Variants in PALLD observed in about 807,000 individuals in gnomAD.
PALLD encodes the protein palladin, cytoskeletal associated protein.
In PALLD, 61 loss-of-function variants were observed where a neutral mutation model predicts 123.5. The observed-to-expected ratio is 0.49, with a 90% CI of 0.40 to 0.61. The LOEUF is 0.61. Among genes scored for constraint, PALLD ranks in the 20% least tolerant of loss-of-function variants. The probability of loss-of-function intolerance (pLI) is 0.00; values close to 1 mark genes in which losing one functional copy is unlikely to be tolerated. For missense variants in PALLD, 1,273 were observed against 1,377.0 expected, an observed-to-expected ratio of 0.92 and a Z score of 1.20; for synonymous variants, 465 against 496.4, an observed-to-expected ratio of 0.94 and a Z score of 0.84.
intron 2 of PALLD, among the ~76,000 whole-genome samples, chr4:168,579,581 A>T (rs1257401977): frequency 6.6e-6 from 1 of 151,310 alleles, no homozygotes; most frequent in Non-Finnish European, 1.5e-5. Flanking sequence ...TGTTCTTAAA[A>T]TAAATATTTA....
chr4:168,689,356 T>G (rs1782385909), intron 6 of PALLD, among the ~76,000 whole-genome samples: 1 of 152,008 alleles, frequency 6.6e-6, no homozygotes, highest in African/African-American at 2.4e-5. Flanking sequence ...TGAATTTGTT[T>G]GCTTTTGGTG....
At chr4:168,925,899 G>A (rs368241513) in intron 21 of PALLD, among the ~76,000 whole-genome samples, 4 of 152,072 alleles carry the variant, frequency 2.6e-5, no homozygotes, top group African/African-American at 7.2e-5. Flanking sequence ...TAAAAGGAGA[G>A]GGGGGATGAG....
chr4:168,827,287 C>T (rs1299564457), intron 10 of PALLD, among the ~76,000 whole-genome samples: 1 of 152,228 alleles, frequency 6.6e-6, no homozygotes, highest in African/African-American at 2.4e-5. Context: ...CCCTTTCCCT[C>T]CTCCCCTACT....
chr4:168,920,833 TGAG>T (rs1454849796), intron 17 of PALLD, among the ~76,000 whole-genome samples: 2 of 152,210 alleles, frequency 1.3e-5, no homozygotes, highest in African/African-American at 4.8e-5. Context: ...TGCTCCTTGA[TGAG>T]AAGCTTTACA....
intron 10 of PALLD, among the ~76,000 whole-genome samples, chr4:168,885,862 C>G (rs1398419060): frequency 6.6e-6 from 1 of 152,182 alleles, no homozygotes; most frequent in East Asian, 1.9e-4. Context: ...TACAAGGCAC[C>G]AAATAATGCA....
intron 10 of PALLD, among the ~76,000 whole-genome samples, chr4:168,791,625 C>G (rs910705946): frequency 6.6e-6 from 1 of 152,132 alleles, no homozygotes; most frequent in Non-Finnish European, 1.5e-5. Flanking sequence ...TCCCTTGACA[C>G]GTAAGGATTA....
chr4:168,586,345 C>T (rs757828531), intron 2 of PALLD, among the ~76,000 whole-genome samples: 3 of 151,972 alleles, frequency 2.0e-5, no homozygotes, highest in Non-Finnish European at 4.4e-5. Context: ...ATATAGAGAA[C>T]GTTTTTTTTT....
At chr4:168,833,093 T>G (rs1197687288) in intron 10 of PALLD, among the ~76,000 whole-genome samples, 1 of 152,110 alleles carries the variant, frequency 6.6e-6, no homozygotes, top group African/African-American at 2.4e-5. Context: ...GCTGGGGGCT[T>G]CCCGCCCGTT....
chr4:168,779,028 T>C (rs1055080688), intron 10 of PALLD, among the ~76,000 whole-genome samples: 1 of 152,246 alleles, frequency 6.6e-6, no homozygotes, highest in African/African-American at 2.4e-5. Context: ...ATTAATGTTA[T>C]GATGCTTATG....
intron 8 of PALLD, among the ~76,000 whole-genome samples, chr4:168,697,585 T>C (rs1051616265): frequency 9.2e-5 from 14 of 152,088 alleles, no homozygotes; most frequent in African/African-American, 3.4e-4. Context: ...GCTGTCCTGC[T>C]CTCCCCTCCA....
intron 2 of PALLD, among the ~76,000 whole-genome samples, chr4:168,524,686 C>T (rs1271291256): frequency 6.6e-6 from 1 of 152,196 alleles, no homozygotes; most frequent in Non-Finnish European, 1.5e-5. Flanking sequence ...CCATCAGAAA[C>T]ACCACCACAG....
At chr4:168,786,298 A>G (rs1437674395) in intron 10 of PALLD, among the ~76,000 whole-genome samples, 1 of 152,180 alleles carries the variant, frequency 6.6e-6, no homozygotes, top group Admixed American at 6.5e-5. Flanking sequence ...ACTGCACTCC[A>G]GCCTGGCAAC....
intron 3 of PALLD, among the ~76,000 whole-genome samples, chr4:168,669,648 TA>T (rs2150019940): frequency 6.6e-6 from 1 of 152,292 alleles, no homozygotes; most frequent in South Asian, 2.1e-4. Flanking sequence ...TACTGATGAC[TA>T]AAAGTATGTA....
intron 10 of PALLD, among the ~76,000 whole-genome samples, chr4:168,800,725 C>T (rs181274654): frequency 9.8e-4 from 149 of 152,238 alleles, no homozygotes; most frequent in African/African-American, 3.3e-3. Flanking sequence ...CAAAGTTATG[C>T]AAACTCTATG....
chr4:168,815,066 C>T (rs1303697078), intron 10 of PALLD, among the ~76,000 whole-genome samples: 1 of 152,164 alleles, frequency 6.6e-6, no homozygotes, highest in Non-Finnish European at 1.5e-5. Flanking sequence ...CCATTGTGCC[C>T]GGCGAATATT....
At chr4:168,767,104 ACAACCGGC>A (rs1322432315) in intron 10 of PALLD, among the ~76,000 whole-genome samples, 2 of 152,178 alleles carry the variant, frequency 1.3e-5, no homozygotes, top group Admixed American at 1.3e-4. Context: ...GCAACATTTC[ACAACCGGC>A]CAAATAAGAG....
At chr4:168,520,710 T>C (rs931786093) in intron 2 of PALLD, among the ~76,000 whole-genome samples, 2 of 152,208 alleles carry the variant, frequency 1.3e-5, no homozygotes, top group African/African-American at 4.8e-5. Context: ...ACTTGAATAT[T>C]ACAGAGTGGC....
intron 2 of PALLD, among the ~76,000 whole-genome samples, chr4:168,513,692 G>C (rs1423376271): frequency 6.6e-6 from 1 of 152,000 alleles, no homozygotes; most frequent in African/African-American, 2.4e-5. Context: ...AATTTTATAT[G>C]GCAAAATGAA....
intron 2 of PALLD, among the ~76,000 whole-genome samples, chr4:168,575,438 C>T (rs543376149): frequency 2.0e-4 from 31 of 152,072 alleles, no homozygotes; most frequent in African/African-American, 7.2e-5. Context: ...CTCAGTATCA[C>T]GAGAACAGCA....
Sources: allele counts gnomAD v4.1 joint callset (sites outside exome capture counted in the v4.1 genomes callset), GRCh38; gene constraint gnomAD v4.1.1; transcripts MANE v1.5; gene names NCBI Gene and HGNC (gene_info 2026-07-23, HGNC 2026-07-21).